The following EHMT1 variants were observed in gnomAD, a reference collection of about 807,000 sequenced individuals.
The protein encoded by EHMT1 is histone-lysine N-methyltransferase EHMT1.
EHMT1 carries 15 observed loss-of-function variants against 147.2 expected under a neutral mutation model. The observed-to-expected ratio is 0.10, with a 90% CI of 0.07 to 0.16. The LOEUF is 0.16. Ranked by LOEUF, EHMT1 falls within the 10% of genes least tolerant of loss-of-function variation. The probability of loss-of-function intolerance (pLI) is 1.00; values close to 1 mark genes in which losing one functional copy is unlikely to be tolerated. For missense variants in EHMT1, 1,587 were observed against 1,772.4 expected (o/e 0.90, Z 1.88); for synonymous variants, 795 against 709.6 (o/e 1.12, Z -1.91).
intron 4 of EHMT1, 71 bp from the exon 5 acceptor site, chr9:137,743,300 C>T (rs1301644506): frequency 6.6e-7 from 1 of 1,518,168 alleles, no homozygotes; most frequent in Non-Finnish European, 8.8e-7. Flanking sequence ...CTGTCTCTTA[C>T]CTTTGAAAAA....
intron 4 of EHMT1, 153 bp downstream of exon 4, chr9:137,728,682 C>T: frequency 1.1e-6 from 1 of 930,180 alleles, no homozygotes; most frequent in Non-Finnish European, 1.7e-6. Context: ...CGCCTGTATG[C>T]CTGAGGAGGC....
At chr9:137,789,481 T>C (rs1952330947) in intron 15 of EHMT1, among the ~76,000 whole-genome samples, 4 of 152,214 alleles carry the variant, frequency 2.6e-5, no homozygotes, top group African/African-American at 7.2e-5. Flanking sequence ...TTTTTAAGCT[T>C]ACTATTCGTT....
rs1012912938 is a variant in EHMT1, at chr9:137,732,323, A to G, written c.823+3794A>G. Among the ~76,000 whole-genome samples, 2 of 152,234 alleles carry G rather than the reference A, an allele frequency of 1.3e-5. No homozygotes were observed. Among genetic ancestry groups the G allele is most frequent in the Non-Finnish European group, 2.9e-5 (2 of 68,038 alleles). ...GCAGCTCAGTGAACCGGCCAGGAAC[A>G]TGTTACAGCCCTTTTTGCACCCGCT... On this transcript the variant is annotated intron_variant, in intron 4 of 26. Coordinates refer to ENST00000460843, the MANE Select transcript of EHMT1 (RefSeq NM_024757.5). The surrounding 1 kb of genome is among the most constrained non-coding windows in gnomAD (Gnocchi z 4.6).
At chr9:137,728,257 T>C in intron 3 of EHMT1, 92 bp from the exon 4 acceptor site, 2 of 1,546,190 alleles carry the variant, frequency 1.3e-6, no homozygotes, top group Non-Finnish European at 1.8e-6. Context: ...TGTGGGGAAT[T>C]ATCGGGGAGA....
intron 4 of EHMT1, among the ~76,000 whole-genome samples, chr9:137,735,480 A>G (rs1947452430): frequency 6.6e-6 from 1 of 152,248 alleles, no homozygotes. Context: ...AGTGCAAGAA[A>G]TGAGGGACGA....
rs569697323 is a variant in EHMT1, at chr9:137,689,462, T to TG, written c.22-21502dup. ...GCTCATGCTGTTAATCCCAGCACTT[T>TG]GGGAGGCGGAGGTGGGTGGATCATG... On this transcript the variant is annotated intron_variant, in intron 1 of 26. Coordinates refer to ENST00000460843, the MANE Select transcript of EHMT1 (RefSeq NM_024757.5). Among the ~76,000 whole-genome samples, 445 of 152,240 alleles carry TG rather than the reference T, an allele frequency of 2.9e-3. 2 individuals are homozygous for TG. The highest frequency in any genetic ancestry group is 4.4e-3 in the Non-Finnish European group (297 of 68,000).
At chr9:137,710,613 A>G (rs1220443428) in intron 1 of EHMT1, among the ~76,000 whole-genome samples, 1 of 152,188 alleles carries the variant, frequency 6.6e-6, no homozygotes, top group East Asian at 1.9e-4. Context: ...GACATTTGAA[A>G]TATATGAATT....
chr9:137,822,167 C>A (rs115745868), intron 25 of EHMT1, among the ~76,000 whole-genome samples: 1 of 152,132 alleles, frequency 6.6e-6, no homozygotes, highest in Admixed American at 6.5e-5. Flanking sequence ...ATCCTGTGTC[C>A]GGCTTTGCAT....
intron 1 of EHMT1, among the ~76,000 whole-genome samples, chr9:137,659,487 C>T (rs1938839288): frequency 6.6e-6 from 1 of 151,886 alleles, no homozygotes; most frequent in African/African-American, 2.4e-5. Context: ...TCAAGCAGTC[C>T]TCCCACCTCA....
chr9:137,663,571 A>G (rs112506324), intron 1 of EHMT1, among the ~76,000 whole-genome samples: 7 of 152,268 alleles, frequency 4.6e-5, no homozygotes, highest in East Asian at 1.9e-4. Context: ...TCTGCTCTCA[A>G]TCTTACTTAA....
At chr9:137,833,870 C>T (rs987770262) in intron 25 of EHMT1, among the ~76,000 whole-genome samples, 1 of 152,240 alleles carries the variant, frequency 6.6e-6, no homozygotes, top group East Asian at 1.9e-4. Context: ...CTTCCCAGAC[C>T]CTCTGGGGAC....
At chr9:137,639,253 T>C (rs906557207) in intron 1 of EHMT1, among the ~76,000 whole-genome samples, 29 of 152,202 alleles carry the variant, frequency 1.9e-4, no homozygotes, top group Admixed American at 1.2e-3. Context: ...CGTATTATAT[T>C]CTGTCCTGGG....
intron 13 of EHMT1, among the ~76,000 whole-genome samples, chr9:137,779,214 A>T (rs11137223): frequency 4.6e-5 from 7 of 152,060 alleles, no homozygotes; most frequent in African/African-American, 1.7e-4. Context: ...ACCGCCCAGG[A>T]CATCTTCTGT....
At chr9:137,816,770 G>A (rs1954950640) in intron 23 of EHMT1, 1 of 166,166 alleles carries the variant, frequency 6.0e-6, no homozygotes, top group South Asian at 1.5e-4. Context: ...CATGGTGAAA[G>A]GCAGTCTCTG....
intron 25 of EHMT1, among the ~76,000 whole-genome samples, chr9:137,829,864 C>T (rs1468795726): frequency 1.3e-5 from 2 of 152,208 alleles, no homozygotes; most frequent in African/African-American, 4.8e-5. Context: ...ATGGCCACCT[C>T]GACTGGCCAC....
intron 1 of EHMT1, among the ~76,000 whole-genome samples, chr9:137,647,043 C>CA (rs1051455030): frequency 4.6e-5 from 7 of 151,640 alleles, no homozygotes; most frequent in Non-Finnish European, 7.4e-5. Context: ...ATAATTCAAG[C>CA]AAAAAAAACC....
chr9:137,647,796 C>T (rs773903963), intron 1 of EHMT1, among the ~76,000 whole-genome samples: 8 of 151,976 alleles, frequency 5.3e-5, no homozygotes, highest in South Asian at 2.1e-4. Flanking sequence ...GGGGTTTCAC[C>T]GTGTTGCCCA....
At chr9:137,834,323 G>A (rs1956445491) in intron 25 of EHMT1, 26 bp from the exon 26 acceptor site, 1 of 1,604,908 alleles carries the variant, frequency 6.2e-7, no homozygotes. Flanking sequence ...GCTAACTGCA[G>A]CCCGTGCCGG....
At chr9:137,670,760 C>T (rs111549828) in intron 1 of EHMT1, among the ~76,000 whole-genome samples, 1,823 of 152,300 alleles carry the variant, frequency 0.012, 40 homozygotes, top group African/African-American at 0.04. Flanking sequence ...GTGTAGCCTC[C>T]CTGGGGTCTA....
Sources: allele counts gnomAD v4.1 joint callset (sites outside exome capture counted in the v4.1 genomes callset), GRCh38; gene constraint gnomAD v4.1.1; non-coding constraint Gnocchi (gnomAD v3.1); transcripts MANE v1.5; gene names NCBI Gene and HGNC (gene_info 2026-07-23, HGNC 2026-07-21).